The following MNT variants were observed in gnomAD, a reference collection of about 807,000 sequenced individuals.
MNT encodes the protein max-binding protein MNT.
Under a neutral mutation model 40.7 loss-of-function variants are expected in MNT, and 13 were observed. The ratio of observed to expected loss-of-function variants is 0.32; its 90% CI spans 0.21 to 0.51. The LOEUF (loss-of-function observed/expected upper bound fraction) is 0.51, where lower values mean the gene tolerates loss of function less well. Ranked by LOEUF, MNT falls within the 20% of genes least tolerant of loss-of-function variation. The probability of loss-of-function intolerance (pLI) is 0.98; values close to 1 mark genes in which losing one functional copy is unlikely to be tolerated. For synonymous variants in MNT, 426 were observed against 354.8 expected, an observed-to-expected ratio of 1.20 and a Z score of -2.26; for missense variants, 757 against 792.0, an observed-to-expected ratio of 0.96 and a Z score of 0.53.
Position 2,386,820 on chromosome 17 carries a change from A to C in MNT, c.*81T>G. The C allele has an allele frequency of 3.0e-6, 4 of 1,354,586 alleles. No individual in the cohort carries two copies. Among genetic ancestry groups the C allele is most frequent in the Non-Finnish European group, 1.9e-6 (2 of 1,029,214 alleles). The allele number at this position is 1,354,586 out of a possible 1,614,324, so 83.9% of individuals were successfully genotyped here. ...GGGGGCTGGCCTGGGCCTGGCTGGA[A>C]TGTGTGGAGCTGGTGGGTGAGAGAG... On this transcript the variant is annotated 3_prime_UTR_variant, in exon 6 of 6. Transcript: ENST00000174618.
rs764634879 is a variant in MNT at position 2,387,288 on chromosome 17, A to G, written c.1362T>C (p.Thr454=). The G allele has an allele frequency of 6.8e-6, 11 of 1,613,452 alleles. No homozygotes were observed. Among genetic ancestry groups the G allele is most frequent in the African/African-American group, 2.7e-5 (2 of 75,032 alleles). Residue 454 remains threonine (T), a synonymous_variant, in exon 6 of 6, where the codon ACT becomes ACC. Transcript: ENST00000174618. ...TATTHASVIQ[T]VNHVLQGPGG... Reference sequence around the variant, plus strand: ...CTGGCCCCTGCAGAACGTGGTTCACAGTCTGGATGACTGAAGCGTGAGTGG... The same window carrying G: ...CTGGCCCCTGCAGAACGTGGTTCACGGTCTGGATGACTGAAGCGTGAGTGG...
Position 2,394,128 on chromosome 17 carries a change from T to G in MNT, c.722A>C (p.Glu241Ala), listed in dbSNP as rs546230826. 1.2e-6 allele frequency: 2 copies of G among 1,607,766 alleles called. No individual in the cohort carries two copies. The highest frequency in any genetic ancestry group is 2.2e-5 in the South Asian group (2 of 90,642). The change falls in exon 4 of 6, where the codon GAG (glutamate) becomes GCG (alanine). Residue 241 changes from glutamate to alanine, a missense_variant. Glu to Ala is a moderately radical substitution (Grantham distance 107). Around this residue, in one of 4 missense-constraint regions of MNT, gnomAD observed 73 missense variants for 100.8 expected, o/e 0.72. Coordinates refer to ENST00000174618, the MANE Select transcript of MNT (RefSeq NM_020310.3). Reference protein sequence around the residue: ...NRRAHLKECFETLKRNIPNVD... With the variant: ...NRRAHLKECFATLKRNIPNVD... ...GTTGGGGATGTTCCGCTTCAGGGTC[T>G]CAAAGCACTCTTTCAGATGGGCCCT...
chr17:2,396,038 G>T (rs781678191), intron 1 of MNT, among the ~76,000 whole-genome samples: 1 of 152,174 alleles, frequency 6.6e-6, no homozygotes, highest in Non-Finnish European at 1.5e-5. Context: ...TTCGCTGCAG[G>T]TCCCACAGCA....
chr17:2,394,218 G>A (rs2066554333), intron 3 of MNT, 64 bp from the exon 4 acceptor site: 2 of 1,594,300 alleles, frequency 1.3e-6, no homozygotes, highest in Admixed American at 1.7e-5. Flanking sequence ...GGGGAGGCAG[G>A]ACCGGGGAAG....
At chr17:2,400,384 G>A (rs2066606646) in intron 1 of MNT, 2 of 407,112 alleles carry the variant, frequency 4.9e-6, no homozygotes, top group Non-Finnish European at 8.8e-6. Flanking sequence ...ACCACAGAAG[G>A]GGCACAGGGG....
intron 4 of MNT, chr17:2,390,834 C>A (rs1211524072): frequency 6.6e-6 from 1 of 152,246 alleles, no homozygotes; most frequent in East Asian, 1.9e-4. Flanking sequence ...CAGGTAGAAC[C>A]GTGCTCTGTA....
At chr17:2,396,653 C>A (rs1357521878) in intron 1 of MNT, 6 of 152,494 alleles carry the variant, frequency 3.9e-5, no homozygotes, top group African/African-American at 1.4e-4. Flanking sequence ...GGAGGCACCT[C>A]CATCTCCCGC....
rs1465001006 is a variant in MNT at position 2,394,067 on chromosome 17, C to T, written c.783G>A (p.Leu261=). Residue 261 remains leucine, a synonymous_variant, in exon 4 of 6, where the codon CTG becomes CTA. Coordinates refer to ENST00000174618, the MANE Select transcript of MNT (RefSeq NM_020310.3). Reference sequence around the variant, plus strand: ...CCTGGATGTACCGCAGCGCCGTCCGCAGCACGCTCAGATTGGACGTCTTCT... The same window carrying T: ...CCTGGATGTACCGCAGCGCCGTCCGTAGCACGCTCAGATTGGACGTCTTCT... ...DDKKTSNLSV[L]RTALRYIQSL... The T allele has an allele frequency of 4.4e-6, 7 of 1,606,210 alleles. No individual in the cohort carries two copies. The African/African-American group carries it at 5.4e-5, about 12-fold the overall frequency.
chr17:2,391,195 GC>G (rs1219386339), intron 4 of MNT: 1 of 152,366 alleles, frequency 6.6e-6, no homozygotes, highest in East Asian at 1.9e-4. Flanking sequence ...TGCCATGTTG[GC>G]CAGGATGGTC....
Position 2,386,608 on chromosome 17 carries a change from G to A in MNT, c.*293C>T, listed in dbSNP as rs1022434885. ...TGACGTCCACATCGCACTGATTTCC[G>A]AGGGTAGGGAGGGGAAGCAGGAGCG... On this transcript the variant is annotated 3_prime_UTR_variant, in exon 6 of 6. Coordinates refer to ENST00000174618, the MANE Select transcript of MNT (RefSeq NM_020310.3). 7 of 391,188 alleles carry A rather than the reference G, an allele frequency of 1.8e-5. No individual in the cohort carries two copies. The highest frequency in any genetic ancestry group is 7.2e-5 in the South Asian group (1 of 13,794). 24.2% of individuals were successfully genotyped at this position (391,188 alleles called of 1,614,324 possible).
Position 2,387,054 on chromosome 17 carries a change from CGT to C in MNT, c.1594_1595del (p.Thr532GlyfsTer117). 6.4e-7 allele frequency: 1 copy of C among 1,558,274 alleles called. No homozygotes were observed. The highest frequency in any genetic ancestry group is 8.7e-7 in the Non-Finnish European group (1 of 1,151,004). ...CAGTAGCCGGGGGCCCCAGGCCGGCCGTGCCGTTGACTTGCTGGTGCGAGAGG... is the reference window on the plus strand; with the variant it reads ...CAGTAGCCGGGGGCCCCAGGCCGGCCGCCGTTGACTTGCTGGTGCGAGAGG... ...HTLSHQQVNG[T>X]AGLGPPATVM... is the part of the protein sequence containing the mutation. On this transcript the variant is annotated frameshift_variant, in exon 6 of 6. Transcript: ENST00000174618. LOFTEE classifies it high-confidence loss of function.
In MNT at chr17:2,386,046, G is replaced by C; in HGVS notation, c.*855C>G. 1 of 139,398 alleles carries C rather than the reference G, an allele frequency of 7.2e-6. No individual in the cohort carries two copies. The highest frequency in any genetic ancestry group is 1.9e-4 in the East Asian group (1 of 5,190). The allele number at this position is 139,398 out of a possible 1,614,324, so 8.6% of individuals were successfully genotyped here. A position where few individuals can be genotyped will look rare whatever the true frequency, so the allele number is the denominator to read the frequency against. On this transcript the variant is annotated 3_prime_UTR_variant, in exon 6 of 6. Coordinates refer to ENST00000174618, the MANE Select transcript of MNT (RefSeq NM_020310.3). Reference sequence around the variant, plus strand: ...AAGCCAAGAGCCAAGCCCAGGGCTGGGGACTGGGGACTGGGGACAGGGGCC... The same window carrying C: ...AAGCCAAGAGCCAAGCCCAGGGCTGCGGACTGGGGACTGGGGACAGGGGCC...
intron 3 of MNT, 37 bp downstream of exon 3, chr17:2,394,268 C>A: frequency 6.3e-7 from 1 of 1,575,956 alleles, no homozygotes; most frequent in Non-Finnish European, 8.6e-7. Context: ...CGCGCGCGCA[C>A]GCACGCACGC....
intron 2 of MNT, among the ~76,000 whole-genome samples, chr17:2,394,553 G>A (rs1482651449): frequency 2.6e-5 from 4 of 152,062 alleles, no homozygotes; most frequent in Non-Finnish European, 4.4e-5. Flanking sequence ...GTCACCCTCC[G>A]TCCCACCAGG....
rs1244195303 is a variant in MNT, at chr17:2,384,361, G to A, written c.*2540C>T. 6.6e-6 allele frequency: 1 copy of A among 152,266 alleles called. No homozygotes were observed. Among genetic ancestry groups the A allele is most frequent in the Non-Finnish European group, 1.5e-5 (1 of 67,996 alleles). The allele number at this position is 152,266 out of a possible 1,614,324, so 9.4% of individuals were successfully genotyped here. A position where few individuals can be genotyped will look rare whatever the true frequency, so the allele number is the denominator to read the frequency against. On this transcript the variant is annotated 3_prime_UTR_variant, in exon 6 of 6. Transcript: ENST00000174618. ...GTGGCCGAGTCCTCACTGTAAACAAGGGCCACCTCTGGGGGTTGGGGGTGG... is the reference window on the plus strand; with the variant it reads ...GTGGCCGAGTCCTCACTGTAAACAAAGGCCACCTCTGGGGGTTGGGGGTGG...
Position 2,386,888 on chromosome 17 carries a change from AG to A in MNT, c.*12del, listed in dbSNP as rs1269283489. On this transcript the variant is annotated 3_prime_UTR_variant, in exon 6 of 6. Transcript: ENST00000174618. ...TCCCTGTCCCCACTGGGGGCCTCTG[AG>A]TGGCCTCGTCCTCAAGCCAGCTTGA... The A allele has an allele frequency of 5.5e-6, 8 of 1,455,860 alleles. No individual in the cohort carries two copies. Among genetic ancestry groups the A allele is most frequent in the Non-Finnish European group, 7.3e-6 (8 of 1,101,650 alleles). 90.2% of individuals were successfully genotyped at this position (1,455,860 alleles called of 1,614,324 possible). A position where few individuals can be genotyped will look rare whatever the true frequency, so the allele number is the denominator to read the frequency against.
At chr17:2,392,339 C>A (rs2429919) in intron 4 of MNT, among the ~76,000 whole-genome samples, 66,137 of 151,480 alleles carry the variant, frequency 0.44, 15,423 homozygotes, top group African/African-American at 0.6. Context: ...CTGAGTGAGG[C>A]CTACCCCGGC....
chr17:2,393,622 A>C (rs192335981), intron 4 of MNT: 1 of 152,694 alleles, frequency 6.5e-6, no homozygotes, highest in Non-Finnish European at 1.5e-5. Flanking sequence ...CTCCCCGCAG[A>C]TAGCTACAGA....
At chr17:2,398,236 T>G (rs1202045350) in intron 1 of MNT, among the ~76,000 whole-genome samples, 1 of 152,254 alleles carries the variant, frequency 6.6e-6, no homozygotes, top group Non-Finnish European at 1.5e-5. Flanking sequence ...GAGCCACCTC[T>G]ATGAACACTA....
Sources: gnomAD v4.1 joint callset for allele counts (sites outside exome capture counted in the v4.1 genomes callset) on GRCh38, gnomAD v4.1.1 for gene constraint, gnomAD v4.1.1 regional missense constraint, MANE v1.5 for transcripts, NCBI Gene and HGNC (gene_info 2026-07-23, HGNC 2026-07-21) for gene names.